SORCS3: variants seen among roughly 807,000 people sequenced by gnomAD.
SORCS3 encodes the protein VPS10 domain-containing receptor SorCS3.
A neutral mutation model predicts 146.3 loss-of-function variants in SORCS3; 57 were observed. The ratio of observed to expected loss-of-function variants is 0.39; its 90% CI spans 0.31 to 0.49. The LOEUF (loss-of-function observed/expected upper bound fraction) is 0.49. Among genes scored for constraint, SORCS3 ranks in the 20% least tolerant of loss-of-function variants. SORCS3 has a pLI of 0.92. For synonymous variants in SORCS3, 653 were observed against 618.5 expected, an observed-to-expected ratio of 1.06 and a Z score of -0.83; for missense variants, 1,341 against 1,575.5, an observed-to-expected ratio of 0.85 and a Z score of 2.52.
At chr10:104,936,193 T>G (rs545006851) in intron 3 of SORCS3, among the ~76,000 whole-genome samples, 1 of 152,176 alleles carries the variant, frequency 6.6e-6, no homozygotes. Flanking sequence ...AGATTATGTG[T>G]ATTGATATGG....
chr10:104,660,248 G>T (rs1317027668), intron 1 of SORCS3, among the ~76,000 whole-genome samples: 2 of 152,142 alleles, frequency 1.3e-5, no homozygotes, highest in African/African-American at 4.8e-5. Context: ...TTACCAAGGT[G>T]GCTTCCTGAA....
intron 3 of SORCS3, among the ~76,000 whole-genome samples, chr10:104,946,961 G>A (rs1256439799): frequency 2.6e-5 from 4 of 152,186 alleles, no homozygotes; most frequent in Non-Finnish European, 2.9e-5. Context: ...CAGCAGGATG[G>A]ATGAAACTGT....
chr10:104,774,276 C>G (rs1589494246), intron 1 of SORCS3, among the ~76,000 whole-genome samples: 1 of 152,132 alleles, frequency 6.6e-6, no homozygotes, highest in East Asian at 1.9e-4. Flanking sequence ...CCTGGGACAG[C>G]AGGAAGAGGG....
At chr10:105,234,705 A>C (rs2056783294) in intron 20 of SORCS3, among the ~76,000 whole-genome samples, 1 of 151,684 alleles carries the variant, frequency 6.6e-6, no homozygotes, top group Non-Finnish European at 1.5e-5. Context: ...TTTGATCCCT[A>C]GCATTTCTTT....
At chr10:105,076,612 C>T (rs115546290) in intron 5 of SORCS3, among the ~76,000 whole-genome samples, 38 of 152,296 alleles carry the variant, frequency 2.5e-4, no homozygotes, top group African/African-American at 9.1e-4. Context: ...GGTGGGCCAG[C>T]AGGACGATTT....
chr10:104,804,513 G>A (rs1350966372), intron 1 of SORCS3, among the ~76,000 whole-genome samples: 1 of 152,146 alleles, frequency 6.6e-6, no homozygotes, highest in Non-Finnish European at 1.5e-5. Context: ...CCTGGGAGTA[G>A]GCAGGGTGGC....
chr10:105,096,668 T>A (rs2055748740), intron 6 of SORCS3, among the ~76,000 whole-genome samples: 2 of 152,080 alleles, frequency 1.3e-5, no homozygotes, highest in South Asian at 4.1e-4. Flanking sequence ...TCTTGTGGGA[T>A]GAATTGGATG....
intron 15 of SORCS3, 110 bp downstream of exon 15, chr10:105,200,226 T>A: frequency 1.3e-6 from 1 of 788,878 alleles, no homozygotes; most frequent in Admixed American, 2.2e-5. Context: ...TAGTGGGTCA[T>A]CTGAGGATGT....
chr10:104,705,210 T>G (rs2016321965), intron 1 of SORCS3, among the ~76,000 whole-genome samples: 1 of 145,948 alleles, frequency 6.9e-6, no homozygotes, highest in African/African-American at 2.5e-5. Context: ...CATCTTTTGA[T>G]ATGGGCAGGC....
intron 5 of SORCS3, among the ~76,000 whole-genome samples, chr10:105,054,096 C>T (rs1043372995): frequency 2.0e-5 from 3 of 151,880 alleles, no homozygotes; most frequent in African/African-American, 7.3e-5. Flanking sequence ...GACATGCTTT[C>T]GTGTATTTAT....
intron 1 of SORCS3, among the ~76,000 whole-genome samples, chr10:104,707,268 A>G (rs1488544553): frequency 6.6e-6 from 1 of 152,224 alleles, no homozygotes; most frequent in Non-Finnish European, 1.5e-5. Context: ...GAAAGAGAAT[A>G]ATAGGACTTC....
chr10:104,725,122 G>C (rs1265656451), intron 1 of SORCS3, among the ~76,000 whole-genome samples: 1 of 152,128 alleles, frequency 6.6e-6, no homozygotes, highest in Non-Finnish European at 1.5e-5. Context: ...TACCTTTGGT[G>C]TTTGATGATG....
At chr10:104,939,891 A>T (rs2133617098) in intron 3 of SORCS3, among the ~76,000 whole-genome samples, 1 of 152,088 alleles carries the variant, frequency 6.6e-6, no homozygotes, top group South Asian at 2.1e-4. Context: ...CATCTCAGTG[A>T]TTCTTTTTGG....
intron 1 of SORCS3, among the ~76,000 whole-genome samples, chr10:104,828,575 C>T (rs539122197): frequency 1.2e-4 from 18 of 152,114 alleles, no homozygotes; most frequent in South Asian, 2.1e-4. Context: ...CAAAATGTGA[C>T]GCAGGGACAC....
chr10:105,242,585 T>TTTATATATATTTATATAC (rs1564793640), intron 20 of SORCS3, among the ~76,000 whole-genome samples: 39 of 97,934 alleles, frequency 4.0e-4, no homozygotes, highest in African/African-American at 1.3e-3. Context: ...TATTTATATA[T>TTTATATATATTTATATAC]ATTTATATAT....
intron 6 of SORCS3, among the ~76,000 whole-genome samples, chr10:105,104,129 T>A (rs1326461890): frequency 6.6e-6 from 1 of 152,216 alleles, no homozygotes; most frequent in Non-Finnish European, 1.5e-5. Flanking sequence ...CACTTCCTTC[T>A]CTGTAGCCCC....
At chr10:104,787,918 C>T (rs537921399) in intron 1 of SORCS3, among the ~76,000 whole-genome samples, 1 of 152,278 alleles carries the variant, frequency 6.6e-6, no homozygotes, top group Admixed American at 6.5e-5. Flanking sequence ...ATTTTTATGA[C>T]TCCATTTTCT....
At chr10:105,049,425 C>T (rs1200632739) in intron 5 of SORCS3, among the ~76,000 whole-genome samples, 1 of 152,002 alleles carries the variant, frequency 6.6e-6, no homozygotes, top group Non-Finnish European at 1.5e-5. Context: ...CATAGCTTTT[C>T]TTATGTAAAA....
At chr10:104,925,488 C>G (rs908885705) in intron 3 of SORCS3, among the ~76,000 whole-genome samples, 5 of 152,148 alleles carry the variant, frequency 3.3e-5, no homozygotes, top group African/African-American at 1.2e-4. Flanking sequence ...GCTTTTTGCC[C>G]CTTTTCAATG....
Sources: gnomAD v4.1 joint callset for allele counts (sites outside exome capture counted in the v4.1 genomes callset) on GRCh38, gnomAD v4.1.1 for gene constraint, MANE v1.5 for transcripts, NCBI Gene and HGNC (gene_info 2026-07-23, HGNC 2026-07-21) for gene names.